Variants in GLIS3 observed in about 807,000 individuals in gnomAD.
GLIS3 encodes zinc finger protein GLIS3.
In GLIS3, 53 loss-of-function variants were observed where a neutral mutation model predicts 78.6. The ratio of observed to expected loss-of-function variants is 0.67; its 90% CI spans 0.54 to 0.85. The LOEUF is 0.85. Among genes scored for constraint, GLIS3 ranks in the 40% least tolerant of loss-of-function variants. The probability of loss-of-function intolerance (pLI) is 0.00; values close to 1 mark genes in which losing one functional copy is unlikely to be tolerated. For missense variants in GLIS3, 1,703 were observed against 1,231.1 expected (o/e 1.38, Z -5.74); for synonymous variants, 684 against 509.9 (o/e 1.34, Z -4.60).
At chr9:4,325,992 G>C (rs1817592235) in intron 2 of GLIS3, among the ~76,000 whole-genome samples, 1 of 152,128 alleles carries the variant, frequency 6.6e-6, no homozygotes, top group East Asian at 1.9e-4. Flanking sequence ...ATAAGTGGGA[G>C]CTGAATGATG....
intron 2 of GLIS3, among the ~76,000 whole-genome samples, chr9:4,264,922 G>A (rs1190047794): frequency 1.3e-5 from 2 of 151,916 alleles, no homozygotes; most frequent in African/African-American, 2.4e-5. Flanking sequence ...ATCCCAGCAC[G>A]GTGGGATGCC....
chr9:4,379,629 T>C, the GLIS3 span, among the ~76,000 whole-genome samples: 4 of 152,362 alleles, frequency 2.6e-5, no homozygotes, highest in African/African-American at 7.2e-5. Flanking sequence ...TTTTCTGCTG[T>C]TTCAGTGGAC....
chr9:4,123,974 T>C (rs1465210994), intron 3 of GLIS3: 5 of 388,440 alleles, frequency 1.3e-5, no homozygotes, highest in Non-Finnish European at 2.3e-5. Context: ...ATGCCCCCAA[T>C]GTATAAAACG....
At chr9:4,386,247 CATT>C in the GLIS3 span, among the ~76,000 whole-genome samples, 3 of 152,184 alleles carry the variant, frequency 2.0e-5, no homozygotes, top group Non-Finnish European at 2.9e-5. Context: ...ACAGTTATCT[CATT>C]ATAATAATAA....
intron 2 of GLIS3, among the ~76,000 whole-genome samples, chr9:4,335,057 C>T (rs546282353): frequency 4.6e-5 from 7 of 151,982 alleles, no homozygotes; most frequent in Non-Finnish European, 7.4e-5. Context: ...TACAGGCGCC[C>T]GCCACTATAC....
chr9:4,259,592 C>G (rs1036714257), intron 2 of GLIS3, among the ~76,000 whole-genome samples: 2 of 152,204 alleles, frequency 1.3e-5, no homozygotes, highest in Non-Finnish European at 2.9e-5. Context: ...TCAGGGCAAA[C>G]TGAGACCAAA....
At chr9:4,317,659 T>C (rs187185266) in intron 2 of GLIS3, among the ~76,000 whole-genome samples, 1 of 152,214 alleles carries the variant, frequency 6.6e-6, no homozygotes, top group Non-Finnish European at 1.5e-5. Context: ...TTTTTAAAAA[T>C]CAGCAGGTTG....
intron 8 of GLIS3, among the ~76,000 whole-genome samples, chr9:3,860,906 G>C (rs1276524807): frequency 6.6e-6 from 1 of 152,180 alleles, no homozygotes; most frequent in Admixed American, 6.5e-5. Flanking sequence ...GTATATTTTA[G>C]TAAGGGGAGA....
the GLIS3 span, among the ~76,000 whole-genome samples, chr9:4,446,717 G>C: frequency 6.7e-6 from 1 of 149,212 alleles, no homozygotes; most frequent in Non-Finnish European, 1.5e-5. Context: ...GTTTCACCAA[G>C]TTGGCCAGAC....
chr9:4,460,776 T>G, the GLIS3 span, among the ~76,000 whole-genome samples: 1 of 152,210 alleles, frequency 6.6e-6, no homozygotes, highest in African/African-American at 2.4e-5. Context: ...CTGTGGGGAT[T>G]TGTCCTTGTT....
intron 4 of GLIS3, among the ~76,000 whole-genome samples, chr9:4,100,419 C>A (rs987539806): frequency 2.6e-5 from 4 of 152,084 alleles, no homozygotes; most frequent in African/African-American, 9.7e-5. Context: ...ATAAAAGACA[C>A]CTGGATAATC....
At chr9:3,879,941 G>A (rs1343167813) in intron 7 of GLIS3, among the ~76,000 whole-genome samples, 1 of 152,060 alleles carries the variant, frequency 6.6e-6, no homozygotes, top group African/African-American at 2.4e-5. Flanking sequence ...CAGTCACAGG[G>A]GATGAGAGTC....
intron 2 of GLIS3, among the ~76,000 whole-genome samples, chr9:4,253,482 T>C (rs191078053): frequency 6.6e-6 from 1 of 152,346 alleles, no homozygotes; most frequent in Admixed American, 6.5e-5. Context: ...CATCCCAGGT[T>C]GACTTCAGAC....
intron 2 of GLIS3, among the ~76,000 whole-genome samples, chr9:4,179,830 A>T (rs1378256962): frequency 1.3e-5 from 2 of 152,026 alleles, no homozygotes; most frequent in African/African-American, 2.4e-5. Flanking sequence ...GAATCGCTGG[A>T]ACCCGGGAGG....
chr9:4,369,801 G>C, the GLIS3 span, among the ~76,000 whole-genome samples: 2 of 152,148 alleles, frequency 1.3e-5, no homozygotes, highest in South Asian at 2.1e-4. Flanking sequence ...CTATCTAATA[G>C]AGATAAAATC....
chr9:4,155,743 C>T (rs1055275691), intron 2 of GLIS3, among the ~76,000 whole-genome samples: 3 of 152,110 alleles, frequency 2.0e-5, no homozygotes, highest in Non-Finnish European at 2.9e-5. Context: ...ATTTCACGGA[C>T]GGCTGTACAA....
chr9:4,171,527 C>G (rs1375397725), intron 2 of GLIS3, among the ~76,000 whole-genome samples: 1 of 152,114 alleles, frequency 6.6e-6, no homozygotes, highest in Admixed American at 6.6e-5. Context: ...ATGCAGACTT[C>G]AAAATTTGGA....
intron 4 of GLIS3, among the ~76,000 whole-genome samples, chr9:4,052,658 T>A (rs1825824397): frequency 6.6e-6 from 1 of 152,242 alleles, no homozygotes; most frequent in Non-Finnish European, 1.5e-5. Flanking sequence ...TTGCAGCATG[T>A]ATCAGAACTT....
At chr9:4,253,172 C>G (rs558859791) in intron 2 of GLIS3, among the ~76,000 whole-genome samples, 1 of 152,204 alleles carries the variant, frequency 6.6e-6, no homozygotes, top group East Asian at 1.9e-4. Context: ...TCTTCAGAGC[C>G]GGCAGGCAGG....
Sources: gnomAD v4.1 joint callset for allele counts (sites outside exome capture counted in the v4.1 genomes callset) on GRCh38, gnomAD v4.1.1 for gene constraint, MANE v1.5 for transcripts, NCBI Gene and HGNC (gene_info 2026-07-23, HGNC 2026-07-21) for gene names.